Variants in ACTR3C observed in about 807,000 individuals in gnomAD.
ACTR3C encodes the protein actin related protein 3C.
ACTR3C carries 18 observed loss-of-function variants against 26.3 expected under a neutral mutation model. The ratio of observed to expected loss-of-function variants is 0.68; its 90% confidence interval spans 0.47 to 1.01. The LOEUF (loss-of-function observed/expected upper bound fraction) is 1.01. ACTR3C is among the 50% of genes least tolerant of loss of function. ACTR3C has a pLI of 0.00. For synonymous variants in ACTR3C, 55 were observed against 94.5 expected, an observed-to-expected ratio of 0.58 and a Z score of 2.42; for missense variants, 184 against 250.7, an observed-to-expected ratio of 0.73 and a Z score of 1.80.
intron 1 of ACTR3C, among the ~76,000 whole-genome samples, chr7:150,306,176 T>C (rs550243913): frequency 6.6e-6 from 1 of 152,202 alleles, no homozygotes; most frequent in Non-Finnish European, 1.5e-5. Flanking sequence ...GCCTTTTCCA[T>C]GTTCACACCA....
chr7:150,135,732 A>C, the ACTR3C span, among the ~76,000 whole-genome samples: 4 of 151,628 alleles, frequency 2.6e-5, no homozygotes, highest in Non-Finnish European at 5.9e-5. Context: ...AATTATTAAT[A>C]GGCTTGTCAC....
chr7:150,091,987 C>CAAAAAAA, the ACTR3C span, among the ~76,000 whole-genome samples: 76 of 19,418 alleles, frequency 3.9e-3, 6 homozygotes, highest in Middle Eastern at 0.071. Context: ...GACTCCGTCT[C>CAAAAAAA]AAAAAAAAAA....
At chr7:149,953,827 G>C in the ACTR3C span, among the ~76,000 whole-genome samples, 2 of 139,098 alleles carry the variant, frequency 1.4e-5, no homozygotes, top group African/African-American at 5.5e-5. Flanking sequence ...CTTCTCCTCA[G>C]ATTTCTAACA....
chr7:150,262,422 C>T (rs1449272747), intron 6 of ACTR3C, among the ~76,000 whole-genome samples: 2 of 152,154 alleles, frequency 1.3e-5, no homozygotes, highest in African/African-American at 4.8e-5. Context: ...CTTTTTTTTT[C>T]TCTAAACCGA....
At chr7:149,980,750 T>C in the ACTR3C span, among the ~76,000 whole-genome samples, 1 of 152,250 alleles carries the variant, frequency 6.6e-6, no homozygotes, top group Non-Finnish European at 1.5e-5. Context: ...GCACACCATA[T>C]ATAAATATGA....
chr7:150,311,059 A>T (rs1008100608), intron 1 of ACTR3C, among the ~76,000 whole-genome samples: 8 of 152,114 alleles, frequency 5.3e-5, no homozygotes, highest in South Asian at 4.1e-4. Context: ...ATTGTTGGAT[A>T]CTTGCAACTC....
the ACTR3C span, among the ~76,000 whole-genome samples, chr7:150,231,328 T>G: frequency 1.3e-5 from 2 of 152,018 alleles, no homozygotes; most frequent in Admixed American, 1.3e-4. Flanking sequence ...TGGAGGTGGA[T>G]CTCTCCTGAA....
the ACTR3C span, among the ~76,000 whole-genome samples, chr7:149,907,478 T>TCTCTTCTCTCTTCTC: frequency 1.0e-5 from 1 of 97,686 alleles, no homozygotes; most frequent in African/African-American, 3.6e-5. Flanking sequence ...CTCTCTTCTC[T>TCTCTTCTCTCTTCTC]TCTCTCTCTC....
the ACTR3C span, among the ~76,000 whole-genome samples, chr7:149,900,139 C>G: frequency 6.7e-6 from 1 of 149,834 alleles, no homozygotes. Flanking sequence ...GATGTTCAGG[C>G]AGTCCATTAT....
chr7:150,155,960 G>A, the ACTR3C span, among the ~76,000 whole-genome samples: 7 of 152,252 alleles, frequency 4.6e-5, no homozygotes, highest in Admixed American at 6.5e-5. Flanking sequence ...ATTTGAGAGA[G>A]TAAAAGTTGA....
At chr7:150,045,503 T>G in the ACTR3C span, among the ~76,000 whole-genome samples, 1 of 151,776 alleles carries the variant, frequency 6.6e-6, no homozygotes, top group African/African-American at 2.4e-5. Flanking sequence ...CATATATATA[T>G]CGGGAGTATA....
At chr7:150,017,658 C>T in the ACTR3C span, among the ~76,000 whole-genome samples, 10 of 149,654 alleles carry the variant, frequency 6.7e-5, no homozygotes, top group African/African-American at 2.5e-4. Context: ...TTTCCAGCCT[C>T]TGCCCACAAC....
At chr7:150,024,162 C>T in the ACTR3C span, among the ~76,000 whole-genome samples, 3 of 151,476 alleles carry the variant, frequency 2.0e-5, no homozygotes, top group Non-Finnish European at 2.9e-5. Flanking sequence ...CACGAAGGAA[C>T]GTGCTCGCTG....
the ACTR3C span, among the ~76,000 whole-genome samples, chr7:150,168,320 A>C: frequency 2.7e-5 from 4 of 150,662 alleles, no homozygotes; most frequent in African/African-American, 1.0e-4. Flanking sequence ...CTGGAACTCT[A>C]TTGTGAACTG....
the ACTR3C span, among the ~76,000 whole-genome samples, chr7:150,154,030 G>C: frequency 1.4e-5 from 2 of 140,804 alleles, no homozygotes; most frequent in Non-Finnish European, 1.5e-5. Context: ...CAATGAGAAC[G>C]CATGGACACA....
rs750147236 is a variant in ACTR3C at position 150,284,757 on chromosome 7, T to C, written c.560A>G (p.Tyr187Cys). 8 of 1,611,876 alleles carry C rather than the reference T, an allele frequency of 5.0e-6. No homozygotes were observed. The highest frequency in any genetic ancestry group is 1.1e-5 in the South Asian group (1 of 90,420). The part of the protein sequence containing the change: ...NCPIDVRRPL[Y>C]KMEQIPLSYP... ...CCTTACCCATGCAGCTCATACCTTA[T>C]ACAGCGGACGCCGCACATCGATGGG... Residue 187 changes from tyrosine to cysteine, a missense_variant, in exon 6 of 8, where the codon TAT becomes TGT. Coordinates refer to ENST00000683684, the MANE Select transcript of ACTR3C (RefSeq NM_001164458.2).
chr7:149,894,421 A>G, the ACTR3C span, among the ~76,000 whole-genome samples: 2 of 152,240 alleles, frequency 1.3e-5, no homozygotes, highest in Non-Finnish European at 2.9e-5. Flanking sequence ...TCTTCTGCAC[A>G]GCAAAGAAAA....
the ACTR3C span, among the ~76,000 whole-genome samples, chr7:150,046,336 A>C: frequency 3.1e-5 from 3 of 97,342 alleles, no homozygotes; most frequent in Non-Finnish European, 4.1e-5. Context: ...GAAATCACTC[A>C]ATGTCTCACC....
the ACTR3C span, among the ~76,000 whole-genome samples, chr7:149,965,835 C>T: frequency 6.6e-6 from 1 of 152,154 alleles, no homozygotes; most frequent in Non-Finnish European, 1.5e-5. Context: ...TGCCTTTGAA[C>T]ATTTTTTAGA....
Sources: gnomAD v4.1 joint callset for allele counts (sites outside exome capture counted in the v4.1 genomes callset) on GRCh38, gnomAD v4.1.1 for gene constraint, MANE v1.5 for transcripts, NCBI Gene and HGNC (gene_info 2026-07-23, HGNC 2026-07-21) for gene names.